WDR37: variants seen among roughly 807,000 people sequenced by gnomAD.
WDR37 encodes the protein WD repeat-containing protein 37.
WDR37 carries 19 observed loss-of-function variants against 62.9 expected under a neutral mutation model. That is an observed-to-expected ratio of 0.30 (90% CI 0.21 to 0.44). The LOEUF is 0.44. WDR37 is among the 20% of genes least tolerant of loss of function. WDR37 has a pLI of 1.00. For missense variants in WDR37, 474 were observed against 657.6 expected (o/e 0.72, Z 3.05); for synonymous variants, 250 against 260.9 (o/e 0.96, Z 0.40).
chr10:1,079,869 CT>C (rs1833977692), intron 3 of WDR37, 141 bp from the exon 4 acceptor site: 1 of 648,636 alleles, frequency 1.5e-6, no homozygotes, highest in East Asian at 3.2e-5. Context: ...GAATTGTGAT[CT>C]TGCTTATTAG....
chr10:1,077,766 C>T, intron 2 of WDR37, 141 bp from the exon 3 acceptor site: 1 of 677,016 alleles, frequency 1.5e-6, no homozygotes, highest in Admixed American at 3.4e-5. Context: ...ACTTTAAACT[C>T]TTTAAGCATT....
intron 8 of WDR37, among the ~76,000 whole-genome samples, chr10:1,094,812 G>A (rs980696233): frequency 2.7e-5 from 4 of 149,902 alleles, no homozygotes; most frequent in East Asian, 2.0e-4. Flanking sequence ...ACTTGGAAAC[G>A]TGAGGTAATG....
intron 11 of WDR37, among the ~76,000 whole-genome samples, chr10:1,114,267 G>A (rs946551564): frequency 1.3e-5 from 2 of 152,176 alleles, no homozygotes; most frequent in African/African-American, 4.8e-5. Flanking sequence ...CCAGTAAAAT[G>A]CTTTTAAACA....
At chr10:1,072,093 C>G in intron 1 of WDR37, 23 bp from the exon 2 acceptor site, 8 of 1,577,198 alleles carry the variant, frequency 5.1e-6, no homozygotes, top group Non-Finnish European at 6.9e-6. Context: ...ATCAGAAACA[C>G]TGTTTTTTCT....
intron 11 of WDR37, among the ~76,000 whole-genome samples, chr10:1,111,387 CCA>C (rs1835212982): frequency 6.6e-6 from 1 of 152,132 alleles, no homozygotes; most frequent in Admixed American, 6.5e-5. Flanking sequence ...AGATTTTTCC[CCA>C]CTTTCTTTTT....
Position 1,101,630 on chromosome 10 carries a change from G to A in WDR37, c.727-1972G>A, listed in dbSNP as rs936502906. ...CACACACCGGGCATCACATCCTGCCGACAGCCGTCTGGTGATTTTGCATCA... is the reference window on the plus strand; with the variant it reads ...CACACACCGGGCATCACATCCTGCCAACAGCCGTCTGGTGATTTTGCATCA... On this transcript the variant is annotated intron_variant, in intron 9 of 13. Transcript: ENST00000263150. Among the ~76,000 whole-genome samples the A allele has an allele frequency of 3.1e-4, 47 of 152,236 alleles. No individual in the cohort carries two copies. In the East Asian group the frequency reaches 3.5e-3, roughly 11 times the overall value.
chr10:1,112,547 G>A (rs370633789), intron 11 of WDR37, among the ~76,000 whole-genome samples: 307 of 152,364 alleles, frequency 2.0e-3, no homozygotes, highest in African/African-American at 7.0e-3. Flanking sequence ...AGGAAGATGT[G>A]TCGAAGGCAG....
Position 1,121,322 on chromosome 10 carries a change from T to C in WDR37, c.1104-2896T>C, listed in dbSNP as rs1457564398. Among the ~76,000 whole-genome samples, 1 of 152,152 alleles carries C rather than the reference T, an allele frequency of 6.6e-6. No individual in the cohort carries two copies. The highest frequency in any genetic ancestry group is 2.4e-5 in the African/African-American group (1 of 41,438). On this transcript the variant is annotated intron_variant, in intron 11 of 13. Transcript: ENST00000263150. This position sits in a 1 kb window ranked among gnomAD's most constrained non-coding sequence, Gnocchi z 4.5. ...TAACTTGGCCAAACCTCCTGAAGACTCCAGTTCAAAGAGAAGTTGGGGGCA... is the reference window on the plus strand; with the variant it reads ...TAACTTGGCCAAACCTCCTGAAGACCCCAGTTCAAAGAGAAGTTGGGGGCA...
chr10:1,065,635 A>G lies in WDR37; in HGVS notation c.-40-6481A>G, dbSNP rs1054304438. Among the ~76,000 whole-genome samples the G allele has an allele frequency of 9.2e-5, 14 of 152,262 alleles. No homozygotes were observed. In the South Asian group the frequency reaches 1.9e-3, roughly 20 times the overall value. On this transcript the variant is annotated intron_variant, in intron 1 of 13. Coordinates refer to ENST00000263150, the MANE Select transcript of WDR37 (RefSeq NM_014023.4). ...AAAAACATGATAGAATTCAGCACTC[A>G]TTCGTGAAAGAAACTCAGAAAATGA...
intron 1 of WDR37, among the ~76,000 whole-genome samples, chr10:1,067,149 T>TG (rs1833579463): frequency 1.3e-5 from 2 of 152,234 alleles, no homozygotes; most frequent in African/African-American, 4.8e-5. Flanking sequence ...ACAAGTACAG[T>TG]GAGTTGATTT....
intron 7 of WDR37, among the ~76,000 whole-genome samples, chr10:1,087,032 G>C (rs1200843264): frequency 6.6e-6 from 1 of 152,242 alleles, no homozygotes; most frequent in Non-Finnish European, 1.5e-5. Context: ...ACAGGTGTGG[G>C]TGGGGCCCGT....
At chr10:1,062,204 A>C (rs117164600) in intron 1 of WDR37, among the ~76,000 whole-genome samples, 6 of 152,182 alleles carry the variant, frequency 3.9e-5, no homozygotes, top group African/African-American at 1.2e-4. Context: ...AAATGCATAC[A>C]TTTGGTTGTA....
intron 6 of WDR37, 112 bp from the exon 7 acceptor site, chr10:1,086,174 A>G: frequency 1.3e-6 from 1 of 774,210 alleles, no homozygotes; most frequent in Non-Finnish European, 2.2e-6. Context: ...GGTGGAAGAG[A>G]TATCAGTGGT....
intron 1 of WDR37, among the ~76,000 whole-genome samples, chr10:1,068,974 A>G (rs1439814341): frequency 6.6e-6 from 1 of 152,214 alleles, no homozygotes; most frequent in Non-Finnish European, 1.5e-5. Context: ...CATTTTTATG[A>G]AATGGCCAGA....
chr10:1,106,607 C>G (rs1197290432), intron 11 of WDR37, among the ~76,000 whole-genome samples: 1 of 151,972 alleles, frequency 6.6e-6, no homozygotes, highest in Non-Finnish European at 1.5e-5. Flanking sequence ...GCCTCTGCCT[C>G]CCGGGTTCAA....
intron 11 of WDR37, among the ~76,000 whole-genome samples, chr10:1,107,652 C>T (rs1835067136): frequency 6.6e-6 from 1 of 151,972 alleles, no homozygotes. Context: ...GTACACACCT[C>T]TCTCTGAAAC....
intron 13 of WDR37, among the ~76,000 whole-genome samples, chr10:1,125,524 C>T (rs1487375861): frequency 2.0e-5 from 3 of 152,200 alleles, no homozygotes; most frequent in Non-Finnish European, 1.5e-5. Flanking sequence ...GTTCTTAATA[C>T]CATGATCGGC....
At chr10:1,064,369 G>T (rs1386805607) in intron 1 of WDR37, among the ~76,000 whole-genome samples, 1 of 152,068 alleles carries the variant, frequency 6.6e-6, no homozygotes, top group Non-Finnish European at 1.5e-5. Flanking sequence ...AGGACGGGGT[G>T]GGGGGAAAAC....
rs1834883385 is a variant in WDR37 at position 1,103,169 on chromosome 10, A to G, written c.727-433A>G. Among the ~76,000 whole-genome samples the G allele has an allele frequency of 1.3e-5, 2 of 152,256 alleles. No individual in the cohort carries two copies. The highest frequency in any genetic ancestry group is 4.8e-5 in the African/African-American group (2 of 41,466). On this transcript the variant is annotated intron_variant, in intron 9 of 13. Transcript: ENST00000263150. The surrounding 1 kb of genome is among the most constrained non-coding windows in gnomAD (Gnocchi z 6.3). ...TGACTATAGCAATAGAATTCCAAGT[A>G]TATTTTAAATAGGCTCTTGAGAATG... is the stretch of plus-strand genomic sequence containing the variant.
Sources: gnomAD v4.1 joint callset for allele counts (sites outside exome capture counted in the v4.1 genomes callset) on GRCh38, gnomAD v4.1.1 for gene constraint, Gnocchi (gnomAD v3.1) non-coding constraint, MANE v1.5 for transcripts, NCBI Gene and HGNC (gene_info 2026-07-23, HGNC 2026-07-21) for gene names.